The following SLC22A3 variants were observed in gnomAD, a reference collection of about 807,000 sequenced individuals.
SLC22A3 encodes the protein solute carrier family 22 member 3, also known as EMT organic cation transporter 3.
Under a neutral mutation model 59.1 loss-of-function variants are expected in SLC22A3, and 51 were observed. The observed-to-expected ratio is 0.86, with a 90% confidence interval of 0.69 to 1.09. The LOEUF is 1.09. Among genes scored for constraint, SLC22A3 ranks in the 50% least tolerant of loss-of-function variants. The probability of loss-of-function intolerance (pLI) is 0.00; values close to 1 mark genes in which losing one functional copy is unlikely to be tolerated. For missense variants in SLC22A3, 711 were observed against 726.3 expected, an observed-to-expected ratio of 0.98 and a Z score of 0.24; for synonymous variants, 325 against 292.0, an observed-to-expected ratio of 1.11 and a Z score of -1.15.
rs747597743 is a variant in SLC22A3 at position 160,450,992 on chromosome 6, T to C, written c.1611-4T>C. On this transcript the variant is annotated splice_region_variant and splice_polypyrimidine_tract_variant and intron_variant, in intron 10 of 10. Coordinates refer to ENST00000275300, the MANE Select transcript of SLC22A3 (RefSeq NM_021977.4). ...CCTAAAGACTTTCTCCTTTGTTTTTTCAGTCCACATTCCTGTAAATGTGGC... is the reference window on the plus strand; with the variant it reads ...CCTAAAGACTTTCTCCTTTGTTTTTCCAGTCCACATTCCTGTAAATGTGGC... The C allele has an allele frequency of 2.6e-5, 42 of 1,587,318 alleles. No homozygotes were observed. Among genetic ancestry groups the C allele is most frequent in the Non-Finnish European group, 3.5e-5 (41 of 1,164,062 alleles).
At chr6:160,434,845 C>G (rs1788279016) in intron 5 of SLC22A3, among the ~76,000 whole-genome samples, 1 of 152,028 alleles carries the variant, frequency 6.6e-6, no homozygotes, top group South Asian at 2.1e-4. Flanking sequence ...GAAACAAGGC[C>G]CCAAAAATAC....
intron 1 of SLC22A3, among the ~76,000 whole-genome samples, chr6:160,365,251 C>A (rs901778728): frequency 3.3e-5 from 5 of 152,108 alleles, no homozygotes; most frequent in Non-Finnish European, 7.4e-5. Context: ...TTATTTTCCC[C>A]TATTTTCAAG....
In SLC22A3 at chr6:160,404,561, C is replaced by T. The variant is rs555818839; in HGVS notation, c.534-2480C>T. ...CAATACAATACTAATCAAAATCCTACAGAGTTATTTTGTGGATATTGACAA... is the reference window on the plus strand; with the variant it reads ...CAATACAATACTAATCAAAATCCTATAGAGTTATTTTGTGGATATTGACAA... On this transcript the variant is annotated intron_variant, in intron 2 of 10. Coordinates refer to ENST00000275300, the MANE Select transcript of SLC22A3 (RefSeq NM_021977.4). 4.6e-5 allele frequency among the ~76,000 whole-genome samples: 7 copies of T among 152,212 alleles called. 1 individual carries two copies. The South Asian group carries it at 1.5e-3, about 32-fold the overall frequency.
Position 160,348,404 on chromosome 6 carries a change from GGGC to G in SLC22A3, c.-10_-8del. On this transcript the variant is annotated 5_prime_UTR_variant, in exon 1 of 11. Transcript: ENST00000275300. The stretch of plus-strand genomic sequence containing the variant: ...CTCCGAGGCGCGGGCTGCGGGCGGC[GGGC>G]GGCGGGCGCACCATGCCCTCCTTCG... The G allele has an allele frequency of 1.4e-6, 2 of 1,441,444 alleles. No individual in the cohort carries two copies. The highest frequency in any genetic ancestry group is 1.8e-6 in the Non-Finnish European group (2 of 1,103,660). The allele number at this position is 1,441,444 out of a possible 1,614,324, so 89.3% of individuals were successfully genotyped here.
intron 1 of SLC22A3, among the ~76,000 whole-genome samples, chr6:160,394,206 C>T (rs563259762): frequency 2.0e-5 from 3 of 152,330 alleles, no homozygotes; most frequent in South Asian, 2.1e-4. Flanking sequence ...CATAAATGTG[C>T]GTCATTGATT....
At position 160,348,580 on chromosome 6, in the gene SLC22A3, C is replaced by A; in HGVS notation, c.161C>A (p.Pro54Gln). The change falls in exon 1 of 11, where the codon CCA (proline) becomes CAA (glutamine). Residue 54 changes from proline (P) to glutamine (Q), a missense_variant. Coordinates refer to ENST00000275300, the MANE Select transcript of SLC22A3 (RefSeq NM_021977.4). ...CCCGACCACTACTGGTGCCGCGGGC[C>A]AAGTGCCGCGGCGCTGGCCGAGCGC... The part of the protein sequence containing the change: ...TQPDHYWCRG[P>Q]SAAALAERCG... The A allele has an allele frequency of 6.5e-7, 1 of 1,531,138 alleles. No homozygotes were observed. Among genetic ancestry groups the A allele is most frequent in the African/African-American group, 1.4e-5 (1 of 70,188 alleles). The allele number at this position is 1,531,138 out of a possible 1,614,324, so 94.8% of individuals were successfully genotyped here.
In SLC22A3 at chr6:160,415,976, G is replaced by C. The variant is rs1363901587; in HGVS notation, c.975+5130G>C. ...TAGTGAGAGAAGGGAAAATATGAGA[G>C]GAAAATAGTATGACAGATTTGATCC... On this transcript the variant is annotated intron_variant, in intron 5 of 10. Transcript: ENST00000275300. This position sits in a 1 kb window ranked among gnomAD's most constrained non-coding sequence, Gnocchi z 4.1. Among the ~76,000 whole-genome samples the C allele has an allele frequency of 2.0e-5, 3 of 152,144 alleles. No individual in the cohort carries two copies. The highest frequency in any genetic ancestry group is 7.2e-5 in the African/African-American group (3 of 41,424).
At chr6:160,379,251 C>CT (rs757352114) in intron 1 of SLC22A3, among the ~76,000 whole-genome samples, 3 of 152,152 alleles carry the variant, frequency 2.0e-5, no homozygotes, top group African/African-American at 4.8e-5. Context: ...TGCTTTTCCT[C>CT]TATCTGTTTT....
chr6:160,437,316 C>G, intron 7 of SLC22A3, 105 bp downstream of exon 7: 1 of 1,166,398 alleles, frequency 8.6e-7, no homozygotes, highest in East Asian at 2.4e-5. Context: ...GCAATGGAAT[C>G]ACAGTCTTTC....
At chr6:160,380,094 T>C (rs1007746399) in intron 1 of SLC22A3, among the ~76,000 whole-genome samples, 2 of 152,186 alleles carry the variant, frequency 1.3e-5, no homozygotes, top group African/African-American at 4.8e-5. Flanking sequence ...CTCAAGTGTA[T>C]TTATTTTAGA....
chr6:160,442,862 A>G lies in SLC22A3; in HGVS notation c.1390A>G (p.Thr464Ala). Residue 464 changes from threonine (T) to alanine (A), a missense_variant, in exon 8 of 11, where the codon ACA (threonine) becomes GCA (alanine). Transcript: ENST00000275300. ...YLVNSELYPT[T>A]LRNFGVSLCS... ...GGTAAATTCAGAATTGTACCCAACA[A>G]CATTACGGTAATTCTAACAAACGTT... The G allele has an allele frequency of 6.2e-7, 1 of 1,607,744 alleles. No homozygotes were observed. The highest frequency in any genetic ancestry group is 8.5e-7 in the Non-Finnish European group (1 of 1,174,154).
intron 5 of SLC22A3, among the ~76,000 whole-genome samples, chr6:160,425,222 C>T (rs1417967294): frequency 1.3e-5 from 2 of 152,112 alleles, no homozygotes; most frequent in African/African-American, 4.8e-5. Context: ...AACATTTTTT[C>T]ACATTAAAAA....
chr6:160,401,440 A>C (rs1000822145), intron 2 of SLC22A3, among the ~76,000 whole-genome samples: 6 of 152,040 alleles, frequency 3.9e-5, no homozygotes, highest in Non-Finnish European at 7.4e-5. Flanking sequence ...CTAGAATTCT[A>C]TACTGTGCAA....
chr6:160,410,879 C>A, intron 5 of SLC22A3, 33 bp downstream of exon 5: 1 of 1,313,762 alleles, frequency 7.6e-7, no homozygotes, highest in Non-Finnish European at 1.1e-6. Context: ...ACAAATATTG[C>A]TAAAGCTGGT....
chr6:160,444,494 G>A (rs9456542), intron 9 of SLC22A3, among the ~76,000 whole-genome samples: 3,482 of 152,140 alleles, frequency 0.023, 126 homozygotes, highest in African/African-American at 0.078. Context: ...ACAGGATCCC[G>A]GGCACACATT....
chr6:160,406,958 T>C lies in SLC22A3; in HGVS notation c.534-83T>C, dbSNP rs371402982. 13 of 1,440,756 alleles carry C rather than the reference T, an allele frequency of 9.0e-6. No individual in the cohort carries two copies. The African/African-American group carries it at 1.0e-4, about 11-fold the overall frequency. 89.2% of individuals were successfully genotyped at this position (1,440,756 alleles called of 1,614,324 possible). A position where few individuals can be genotyped will look rare whatever the true frequency, so the allele number is the denominator to read the frequency against. The stretch of plus-strand genomic sequence containing the variant: ...TAATGTAATACAGTATAATATGGTA[T>C]GATATAATATTTTATGTTATATTTT... On this transcript the variant is annotated intron_variant, in intron 2 of 10. Coordinates refer to ENST00000275300, the MANE Select transcript of SLC22A3 (RefSeq NM_021977.4).
chr6:160,364,488 TA>T (rs1446415398), intron 1 of SLC22A3, among the ~76,000 whole-genome samples: 1 of 152,194 alleles, frequency 6.6e-6, no homozygotes, highest in Non-Finnish European at 1.5e-5. Flanking sequence ...GATTTCTGAG[TA>T]ACAAGTCAAA....
intron 1 of SLC22A3, among the ~76,000 whole-genome samples, chr6:160,376,082 CAA>C (rs1428739959): frequency 2.0e-5 from 3 of 152,054 alleles, no homozygotes; most frequent in Admixed American, 6.6e-5. Flanking sequence ...TTTACAATAG[CAA>C]AGACATGGAA....
intron 4 of SLC22A3, among the ~76,000 whole-genome samples, chr6:160,410,379 T>C (rs1787197067): frequency 6.6e-6 from 1 of 152,232 alleles, no homozygotes; most frequent in Admixed American, 6.5e-5. Flanking sequence ...TTTTAATATA[T>C]GGGCAAGTCA....
Sources: allele counts gnomAD v4.1 joint callset (sites outside exome capture counted in the v4.1 genomes callset), GRCh38; gene constraint gnomAD v4.1.1; non-coding constraint Gnocchi (gnomAD v3.1); transcripts MANE v1.5; gene names NCBI Gene and HGNC (gene_info 2026-07-23, HGNC 2026-07-21).